BABAM2: variants seen among roughly 807,000 people sequenced by gnomAD.
The protein encoded by BABAM2 is BRISC and BRCA1-A complex member 2.
Under a neutral mutation model 54.7 loss-of-function variants are expected in BABAM2, and 31 were observed. That is an observed-to-expected ratio of 0.57 (90% CI 0.43 to 0.77). The LOEUF is 0.77. Ranked by LOEUF, BABAM2 falls within the 30% of genes least tolerant of loss-of-function variation. The pLI is 0.00. For missense variants in BABAM2, 364 were observed against 455.8 expected, an observed-to-expected ratio of 0.80 and a Z score of 1.83; for synonymous variants, 167 against 162.9, an observed-to-expected ratio of 1.03 and a Z score of -0.19.
intron 4 of BABAM2, among the ~76,000 whole-genome samples, chr2:28,004,730 C>T (rs1673833429): frequency 1.3e-5 from 2 of 151,278 alleles, no homozygotes; most frequent in African/African-American, 4.9e-5. Context: ...TCTCTGTTGC[C>T]TAGGCTGGAA....
chr2:27,941,365 G>A lies in BABAM2; in HGVS notation c.205+11457G>A, dbSNP rs530543945. The stretch of plus-strand genomic sequence containing the variant: ...AGATCACAAGGTCAGGAGTTGCCTG[G>A]CCAACATAGTGAAACCCTGCCTCTA... On this transcript the variant is annotated intron_variant, in intron 3 of 11. Coordinates refer to ENST00000379624, the MANE Select transcript of BABAM2 (RefSeq NM_199191.3). Among the ~76,000 whole-genome samples the A allele has an allele frequency of 5.9e-5, 9 of 152,218 alleles. No homozygotes were observed. The East Asian group carries it at 1.2e-3, about 20-fold the overall frequency.
chr2:27,966,527 C>T (rs192481003), intron 3 of BABAM2, among the ~76,000 whole-genome samples: 39 of 152,330 alleles, frequency 2.6e-4, no homozygotes, highest in African/African-American at 9.1e-4. Context: ...TCTTGTTGAT[C>T]TGACCCCCAA....
intron 3 of BABAM2, among the ~76,000 whole-genome samples, chr2:27,982,104 GC>G (rs1406576744): frequency 4.6e-5 from 7 of 152,104 alleles, no homozygotes; most frequent in Non-Finnish European, 1.0e-4. Context: ...TTCCCTGTTG[GC>G]TAATGATCTT....
chr2:28,114,251 A>T (rs1448045570), intron 6 of BABAM2, among the ~76,000 whole-genome samples: 2 of 151,866 alleles, frequency 1.3e-5, no homozygotes, highest in Non-Finnish European at 2.9e-5. Context: ...TGCAGATGAC[A>T]TGATTGGATA....
intron 6 of BABAM2, among the ~76,000 whole-genome samples, chr2:28,076,885 C>T (rs1405193717): frequency 1.3e-5 from 2 of 152,158 alleles, no homozygotes; most frequent in Non-Finnish European, 2.9e-5. Context: ...ACCATGCACT[C>T]TTTAAGGACA....
At chr2:28,204,726 G>A (rs1235286609) in intron 7 of BABAM2, among the ~76,000 whole-genome samples, 1 of 152,146 alleles carries the variant, frequency 6.6e-6, no homozygotes, top group Non-Finnish European at 1.5e-5. Context: ...TATCAGGTAT[G>A]TTCTAAGAGA....
chr2:27,926,405 C>T (rs1667710620), intron 2 of BABAM2, among the ~76,000 whole-genome samples: 1 of 152,176 alleles, frequency 6.6e-6, no homozygotes, highest in Non-Finnish European at 1.5e-5. Flanking sequence ...CTTGTTCCTG[C>T]CTTCACACCT....
At chr2:28,028,624 G>A (rs934953731) in intron 5 of BABAM2, among the ~76,000 whole-genome samples, 27 of 152,224 alleles carry the variant, frequency 1.8e-4, no homozygotes, top group Admixed American at 1.2e-3. Flanking sequence ...TTCCATAAAC[G>A]TTTTTGAATG....
At chr2:28,047,348 G>A (rs1677661698) in intron 6 of BABAM2, among the ~76,000 whole-genome samples, 1 of 152,170 alleles carries the variant, frequency 6.6e-6, no homozygotes, top group Non-Finnish European at 1.5e-5. Context: ...CCTCCTCCAT[G>A]TATTCCAGTT....
chr2:28,084,601 G>A lies in BABAM2; in HGVS notation c.570+38802G>A, dbSNP rs192720265. 2.1e-3 allele frequency among the ~76,000 whole-genome samples: 327 copies of A among 152,200 alleles called. 1 individual carries two copies. The highest frequency in any genetic ancestry group is 3.3e-3 in the Non-Finnish European group (223 of 67,998). ...AGTACCCTTGGGTGTCTTCATTTTGGGTAGTTTCCTGAAGAGATAGTGTTG... is the reference window on the plus strand; with the variant it reads ...AGTACCCTTGGGTGTCTTCATTTTGAGTAGTTTCCTGAAGAGATAGTGTTG... On this transcript the variant is annotated intron_variant, in intron 6 of 11. Coordinates refer to ENST00000379624, the MANE Select transcript of BABAM2 (RefSeq NM_199191.3).
intron 4 of BABAM2, among the ~76,000 whole-genome samples, chr2:28,006,731 CAGTTT>C (rs1674003099): frequency 6.6e-6 from 1 of 151,962 alleles, no homozygotes; most frequent in Non-Finnish European, 1.5e-5. Flanking sequence ...AGAGAGTTAG[CAGTTT>C]AGTTTAGCAC....
intron 3 of BABAM2, among the ~76,000 whole-genome samples, chr2:27,943,608 C>T: frequency 6.6e-6 from 1 of 152,198 alleles, no homozygotes; most frequent in East Asian, 1.9e-4. Context: ...TGCAAGAATG[C>T]TTGCAAGGAG....
At chr2:27,960,799 A>G (rs927417218) in intron 3 of BABAM2, among the ~76,000 whole-genome samples, 4 of 152,168 alleles carry the variant, frequency 2.6e-5, no homozygotes, top group East Asian at 1.9e-4. Flanking sequence ...CCCAAGCCCA[A>G]TGCTTTTTCC....
chr2:27,976,570 A>T (rs1671622416), intron 3 of BABAM2, among the ~76,000 whole-genome samples: 1 of 152,136 alleles, frequency 6.6e-6, no homozygotes, highest in Non-Finnish European at 1.5e-5. Context: ...GGAATATTTA[A>T]ATACACAGGG....
intron 6 of BABAM2, among the ~76,000 whole-genome samples, chr2:28,103,982 AT>A (rs201379804): frequency 0.019 from 2,853 of 152,202 alleles, 47 homozygotes; most frequent in Middle Eastern, 0.031. Context: ...CAATAAACTC[AT>A]TTTTTTAACC....
intron 7 of BABAM2, 126 bp downstream of exon 7, chr2:28,129,506 A>G (rs1457560553): frequency 3.5e-6 from 3 of 846,740 alleles, no homozygotes; most frequent in Non-Finnish European, 5.6e-6. Context: ...TTCTTAAAAA[A>G]TTCATCATAT....
At position 27,995,936 on chromosome 2, in the gene BABAM2, T is replaced by C. The variant is rs1026526881; in HGVS notation, c.300+7849T>C. Among the ~76,000 whole-genome samples the C allele has an allele frequency of 4.6e-5, 7 of 152,194 alleles. No homozygotes were observed. The highest frequency in any genetic ancestry group is 1.0e-4 in the Non-Finnish European group (7 of 68,024). ...TCTTCAGTTTTACAATTCTATTTGA[T>C]TATTTTCTGTAAATTCCAATTATCT... On this transcript the variant is annotated intron_variant, in intron 4 of 11. Transcript: ENST00000379624. The surrounding 1 kb of genome is among the most constrained non-coding windows in gnomAD (Gnocchi z 4.1).
At chr2:27,944,630 A>G (rs1320110003) in intron 3 of BABAM2, among the ~76,000 whole-genome samples, 1 of 152,158 alleles carries the variant, frequency 6.6e-6, no homozygotes, top group East Asian at 1.9e-4. Context: ...CATCCATTGA[A>G]GGACATTCGG....
intron 2 of BABAM2, among the ~76,000 whole-genome samples, chr2:27,912,223 A>G (rs1363281425): frequency 1.3e-5 from 2 of 151,580 alleles, no homozygotes; most frequent in Non-Finnish European, 2.9e-5. Flanking sequence ...TTGCTTTTTG[A>G]CCTACATTCG....
Sources: allele counts gnomAD v4.1 joint callset (sites outside exome capture counted in the v4.1 genomes callset), GRCh38; gene constraint gnomAD v4.1.1; non-coding constraint Gnocchi (gnomAD v3.1); transcripts MANE v1.5; gene names NCBI Gene and HGNC (gene_info 2026-07-23, HGNC 2026-07-21).